PRRC2C: variants seen among roughly 807,000 people sequenced by gnomAD.
PRRC2C encodes the protein proline rich coiled-coil 2C, also known as protein PRRC2C.
In PRRC2C, 72 loss-of-function variants were observed where a neutral mutation model predicts 317.2. The observed-to-expected ratio is 0.23, with a 90% CI of 0.19 to 0.28. PRRC2C has a LOEUF of 0.28. PRRC2C is among the 10% of genes least tolerant of loss of function. PRRC2C has a pLI of 1.00. For missense variants in PRRC2C, 3,074 were observed against 3,459.7 expected (o/e 0.89, Z 2.80); for synonymous variants, 1,296 against 1,205.9 (o/e 1.07, Z -1.55).
chr1:171,509,861 T>TG (rs1571667853), intron 1 of PRRC2C: 1 of 140,418 alleles, frequency 7.1e-6, no homozygotes, highest in East Asian at 2.0e-4. Flanking sequence ...TTTTTTTTTT[T>TG]TTTTTTTTGA....
intron 8 of PRRC2C, 21 bp downstream of exon 8, chr1:171,523,375 A>G (rs1296979633): frequency 6.8e-6 from 11 of 1,613,760 alleles, no homozygotes; most frequent in Admixed American, 1.7e-5. Flanking sequence ...AAATTAATTA[A>G]GTCCTTTAAA....
At chr1:171,569,010 ACTGT>A (rs1473097570) in intron 23 of PRRC2C, among the ~76,000 whole-genome samples, 1 of 152,208 alleles carries the variant, frequency 6.6e-6, no homozygotes, top group Non-Finnish European at 1.5e-5. Context: ...TGCTTAGCTC[ACTGT>A]CTGATAGATG....
chr1:171,514,762 C>A, intron 4 of PRRC2C, 117 bp downstream of exon 4: 1 of 863,380 alleles, frequency 1.2e-6, no homozygotes, highest in Non-Finnish European at 1.8e-6. Flanking sequence ...AAAGGATATA[C>A]TCAAGGCTCT....
rs1677788530 is a variant in PRRC2C at position 171,540,647 on chromosome 1, C to T, written c.3181C>T (p.Pro1061Ser). The T allele has an allele frequency of 6.2e-7, 1 of 1,613,952 alleles. No homozygotes were observed. The highest frequency in any genetic ancestry group is 8.5e-7 in the Non-Finnish European group (1 of 1,179,890). Residue 1061 changes from proline (P) to serine (S), a missense_variant, in exon 16 of 35, where the codon CCT becomes TCT. Pro to Ser is a moderately conservative substitution (Grantham distance 74). This residue lies in a region of PRRC2C where 1,320 missense variants were observed against 1,395.7 expected (regional missense o/e 0.95). Transcript: ENST00000647382. ...KPEKTEKKDL[P>S]PPPPPPQPPA... ...TGAAAAGACGGAAAAGAAGGATCTT[C>T]CTCCTCCCCCACCACCACCTCAGCC...
Position 171,541,034 on chromosome 1 carries a change from C to G in PRRC2C, c.3568C>G (p.Arg1190Gly), listed in dbSNP as rs772392745. The G allele has an allele frequency of 3.7e-6, 6 of 1,612,948 alleles. No homozygotes were observed. Among genetic ancestry groups the G allele is most frequent in the Non-Finnish European group, 5.1e-6 (6 of 1,179,578 alleles). ...GTTTCCAGATCAAGGATACAGAGGTCGAGGCCGAGGTGAATATTACTCCAG... is the reference window on the plus strand; with the variant it reads ...GTTTCCAGATCAAGGATACAGAGGTGGAGGCCGAGGTGAATATTACTCCAG... ...DWFPDQGYRGRGRGEYYSRGR... is the reference protein window; with the variant it reads ...DWFPDQGYRGGGRGEYYSRGR... The change falls in exon 16 of 35, where the codon CGA becomes GGA. Residue 1190 changes from arginine (R) to glycine (G), a missense_variant. Coordinates refer to ENST00000647382, the MANE Select transcript of PRRC2C (RefSeq NM_001387844.1). The surrounding 1 kb of genome is among the most constrained non-coding windows in gnomAD (Gnocchi z 4.1).
In PRRC2C at chr1:171,591,886, G is replaced by GCGGCCCC; in HGVS notation, c.*39_*40insCGGCCCC. Reference sequence around the variant, plus strand: ...TTGCAGGGGATTGGGAGGGGGGCGGGAAAACATGGAGAATTAAGTCAGATA... The same window carrying GCGGCCCC: ...TTGCAGGGGATTGGGAGGGGGGCGGGCGGCCCCAAAACATGGAGAATTAAGTCAGATA... On this transcript the variant is annotated 3_prime_UTR_variant, in exon 35 of 35. Transcript: ENST00000647382. 1 of 475,634 alleles carries GCGGCCCC rather than the reference G, an allele frequency of 2.1e-6. No individual in the cohort carries two copies. The highest frequency in any genetic ancestry group is 3.7e-6 in the Non-Finnish European group (1 of 266,838). The allele number at this position is 475,634 out of a possible 1,614,324, so 29.5% of individuals were successfully genotyped here. A position where few individuals can be genotyped will look rare whatever the true frequency, so the allele number is the denominator to read the frequency against.
intron 26 of PRRC2C, among the ~76,000 whole-genome samples, chr1:171,578,835 G>T (rs1373451443): frequency 6.6e-6 from 1 of 152,086 alleles, no homozygotes; most frequent in South Asian, 2.1e-4. Context: ...CTGCACTTCA[G>T]CCTGGGTGAC....
rs1649361146 is a variant in PRRC2C at position 171,584,315 on chromosome 1, T to A, written c.7642-104T>A. The A allele has an allele frequency of 2.2e-6, 3 of 1,349,550 alleles. No individual in the cohort carries two copies. In the South Asian group the frequency reaches 4.2e-5, roughly 19 times the overall value. The allele number at this position is 1,349,550 out of a possible 1,614,324, so 83.6% of individuals were successfully genotyped here. ...AAAAAACAAAGTCCTTTCATTTATCTAATACTAAAAATTGCTAGACATTGC... is the reference window on the plus strand; with the variant it reads ...AAAAAACAAAGTCCTTTCATTTATCAAATACTAAAAATTGCTAGACATTGC... On this transcript the variant is annotated intron_variant, in intron 29 of 34. Transcript: ENST00000647382.
intron 21 of PRRC2C, 53 bp from the exon 22 acceptor site, chr1:171,566,539 G>T: frequency 2.0e-6 from 3 of 1,494,766 alleles, no homozygotes; most frequent in Non-Finnish European, 2.7e-6. Flanking sequence ...GTGCAATGAT[G>T]AAAGATACTC....
intron 16 of PRRC2C, 88 bp from the exon 17 acceptor site, chr1:171,545,391 A>T: frequency 9.0e-7 from 1 of 1,110,796 alleles, no homozygotes; most frequent in Non-Finnish European, 1.3e-6. Context: ...GTTTCATCTT[A>T]GAATGAACTT....
At chr1:171,563,721 C>T (rs942485383) in intron 20 of PRRC2C, among the ~76,000 whole-genome samples, 1 of 152,114 alleles carries the variant, frequency 6.6e-6, no homozygotes, top group African/African-American at 2.4e-5. Flanking sequence ...TTTGATGTTA[C>T]AGATTCTTCA....
chr1:171,501,187 TG>T (rs1358844086), intron 1 of PRRC2C, among the ~76,000 whole-genome samples: 1 of 151,818 alleles, frequency 6.6e-6, no homozygotes, highest in African/African-American at 2.4e-5. Context: ...CATGAGCTAC[TG>T]TGTGAACAGG....
In PRRC2C at chr1:171,523,532, GAT is replaced by G. The variant is rs1557910926; in HGVS notation, c.1055+13_1055+14del. ...CTAAAGAGAATAACAGGTAAGTTGTGATATCTTTTACTAATAACAGTATGAAT... is the reference window on the plus strand; with the variant it reads ...CTAAAGAGAATAACAGGTAAGTTGTGATCTTTTACTAATAACAGTATGAAT... On this transcript the variant is annotated intron_variant, in intron 9 of 34. Transcript: ENST00000647382. 6.3e-7 allele frequency: 1 copy of G among 1,591,584 alleles called. No individual in the cohort carries two copies. Among genetic ancestry groups the G allele is most frequent in the Admixed American group, 1.7e-5 (1 of 59,374 alleles).
intron 1 of PRRC2C, among the ~76,000 whole-genome samples, chr1:171,492,721 T>G (rs982941347): frequency 6.9e-6 from 1 of 145,322 alleles, no homozygotes; most frequent in African/African-American, 2.6e-5. Flanking sequence ...AGCAAGAGGG[T>G]AGGGGAATTT....
chr1:171,520,690 A>G (rs1673380603), intron 6 of PRRC2C, among the ~76,000 whole-genome samples: 1 of 152,082 alleles, frequency 6.6e-6, no homozygotes, highest in African/African-American at 2.4e-5. Flanking sequence ...AGTGTGATGC[A>G]ACTGAAAATT....
chr1:171,541,432 G>A lies in PRRC2C; in HGVS notation c.3966G>A (p.Lys1322=). 1 of 1,613,912 alleles carries A rather than the reference G, an allele frequency of 6.2e-7. No homozygotes were observed. The highest frequency in any genetic ancestry group is 8.5e-7 in the Non-Finnish European group (1 of 1,179,860). ...HVRIDNRLLE[K]PYVRDDDKAK... ...GAATAGATAATAGACTGCTAGAAAA[G>A]CCTTATGTAAGGGATGACGATAAAG... Residue 1322 remains lysine, a synonymous_variant, in exon 16 of 35, where the codon AAG becomes AAA. Coordinates refer to ENST00000647382, the MANE Select transcript of PRRC2C (RefSeq NM_001387844.1). This position sits in a 1 kb window ranked among gnomAD's most constrained non-coding sequence, Gnocchi z 4.1.
At chr1:171,552,381 C>G (rs535536976) in intron 18 of PRRC2C, among the ~76,000 whole-genome samples, 1 of 152,176 alleles carries the variant, frequency 6.6e-6, no homozygotes, top group Non-Finnish European at 1.5e-5. Flanking sequence ...ATGGGGTTTT[C>G]TAAATATACA....
intron 10 of PRRC2C, among the ~76,000 whole-genome samples, chr1:171,525,222 A>G (rs979614851): frequency 6.6e-6 from 1 of 152,196 alleles, no homozygotes; most frequent in African/African-American, 2.4e-5. Context: ...TAGCTCAATC[A>G]TAGCAAAGTG....
rs61733155 is a variant in PRRC2C, at chr1:171,517,802, G to T, written c.738G>T (p.Met246Ile). Residue 246 changes from methionine to isoleucine, a missense_variant, in exon 6 of 35, where the codon ATG becomes ATT. Transcript: ENST00000647382. ...QAALASQYRA[M>I]MPPYMFQQYP... is the part of the protein sequence containing the mutation. ...CTCTCGCTTCCCAGTATAGAGCTAT[G>T]ATGCCTCCTTATGTGAGTATTGTTA... is the stretch of plus-strand genomic sequence containing the variant. 19 of 1,612,634 alleles carry T rather than the reference G, an allele frequency of 1.2e-5. No individual in the cohort carries two copies. In the African/African-American group the frequency reaches 2.5e-4, roughly 21 times the overall value.
Sources: gnomAD v4.1 joint callset for allele counts (sites outside exome capture counted in the v4.1 genomes callset) on GRCh38, gnomAD v4.1.1 for gene constraint, gnomAD v4.1.1 regional missense constraint, Gnocchi (gnomAD v3.1) non-coding constraint, MANE v1.5 for transcripts, NCBI Gene and HGNC (gene_info 2026-07-23, HGNC 2026-07-21) for gene names.